DCC: variants seen among roughly 807,000 people sequenced by gnomAD.
DCC encodes the protein DCC netrin 1 receptor, also known as netrin receptor DCC.
A neutral mutation model predicts 172.5 loss-of-function variants in DCC; 58 were observed. That is an observed-to-expected ratio of 0.34 (90% CI 0.27 to 0.42). The LOEUF (loss-of-function observed/expected upper bound fraction) is 0.42, where lower values mean the gene tolerates loss of function less well. DCC is among the 10% of genes least tolerant of loss of function. The pLI, the probability that DCC is intolerant of heterozygous loss-of-function variation, is 1.00. For synonymous variants in DCC, 709 were observed against 644.5 expected, an observed-to-expected ratio of 1.10 and a Z score of -1.52; for missense variants, 1,740 against 1,791.0, an observed-to-expected ratio of 0.97 and a Z score of 0.51.
At chr18:53,422,652 CAG>C (rs1435619864) in intron 21 of DCC, among the ~76,000 whole-genome samples, 5 of 152,160 alleles carry the variant, frequency 3.3e-5, no homozygotes, top group Admixed American at 6.6e-5. Flanking sequence ...CATGAATAAA[CAG>C]AATGTTAATT....
chr18:53,247,913 A>G (rs1248446593), intron 12 of DCC, among the ~76,000 whole-genome samples: 2 of 152,016 alleles, frequency 1.3e-5, no homozygotes, highest in Non-Finnish European at 2.9e-5. Context: ...CCGTGTGGAC[A>G]TCCCATCCAA....
chr18:52,486,908 CAT>C (rs2030252213), intron 1 of DCC, among the ~76,000 whole-genome samples: 1 of 152,218 alleles, frequency 6.6e-6, no homozygotes, highest in Non-Finnish European at 1.5e-5. Flanking sequence ...ATCTCTCAAA[CAT>C]ATGAGACATA....
At chr18:53,257,454 C>A (rs2056534776) in intron 12 of DCC, among the ~76,000 whole-genome samples, 1 of 152,182 alleles carries the variant, frequency 6.6e-6, no homozygotes, top group Non-Finnish European at 1.5e-5. Flanking sequence ...GCCTTTTCTG[C>A]ATCTATTGAG....
rs539024562 is a variant in DCC, at chr18:53,187,361, A to G, written c.1573+8245A>G. On this transcript the variant is annotated intron_variant, in intron 9 of 28. Coordinates refer to ENST00000442544, the MANE Select transcript of DCC (RefSeq NM_005215.4). Reference sequence around the variant, plus strand: ...CTGGTCTTGAACTCCTGACCTCATTATCTGTCTGCCTCGGCCCCCCAAAGT... The same window carrying G: ...CTGGTCTTGAACTCCTGACCTCATTGTCTGTCTGCCTCGGCCCCCCAAAGT... Among the ~76,000 whole-genome samples, 258 of 152,098 alleles carry G rather than the reference A, an allele frequency of 1.7e-3. 1 individual carries two copies. Among genetic ancestry groups the G allele is most frequent in the African/African-American group, 6.1e-3 (253 of 41,484 alleles).
intron 15 of DCC, among the ~76,000 whole-genome samples, chr18:53,376,706 C>A (rs1599081488): frequency 2.0e-5 from 3 of 152,086 alleles, no homozygotes; most frequent in Non-Finnish European, 4.4e-5. Context: ...TGACCGGAGC[C>A]CAAGGCAGAC....
At chr18:52,857,568 A>G (rs1233796662) in intron 2 of DCC, among the ~76,000 whole-genome samples, 2 of 152,170 alleles carry the variant, frequency 1.3e-5, no homozygotes, top group Admixed American at 6.5e-5. Flanking sequence ...CCATGATGTT[A>G]TATAGGGTAA....
intron 8 of DCC, among the ~76,000 whole-genome samples, chr18:53,163,321 C>T (rs1277582693): frequency 2.0e-5 from 3 of 152,122 alleles, no homozygotes; most frequent in Non-Finnish European, 4.4e-5. Context: ...AAGCTGACTA[C>T]AGTTCAATAA....
At chr18:52,541,902 T>TAG in intron 1 of DCC, among the ~76,000 whole-genome samples, 1 of 145,244 alleles carries the variant, frequency 6.9e-6, no homozygotes, top group South Asian at 2.1e-4. Flanking sequence ...TATATGTGTA[T>TAG]ATATATATGT....
At chr18:52,888,909 C>CTA (rs1310704027) in intron 2 of DCC, among the ~76,000 whole-genome samples, 1 of 151,912 alleles carries the variant, frequency 6.6e-6, no homozygotes, top group Admixed American at 6.6e-5. Context: ...ACACAGATAT[C>CTA]TATATATACA....
chr18:52,710,347 G>T (rs2145053724), intron 1 of DCC, among the ~76,000 whole-genome samples: 1 of 152,216 alleles, frequency 6.6e-6, no homozygotes, highest in East Asian at 1.9e-4. Flanking sequence ...CTCCAGCTTG[G>T]GTGACAGAGT....
intron 7 of DCC, among the ~76,000 whole-genome samples, chr18:53,116,991 C>A (rs1265685898): frequency 6.6e-6 from 1 of 151,566 alleles, no homozygotes; most frequent in African/African-American, 2.4e-5. Flanking sequence ...TTTCAAATAA[C>A]CAAATTCACA....
At chr18:52,990,939 C>CT (rs34744059) in intron 5 of DCC, among the ~76,000 whole-genome samples, 110,098 of 152,032 alleles carry the variant, frequency 0.72, 40,002 homozygotes, top group East Asian at 0.75. Flanking sequence ...TATGAAAACT[C>CT]TTGATAAGTA....
intron 5 of DCC, among the ~76,000 whole-genome samples, chr18:53,062,018 TG>T (rs1425945628): frequency 6.6e-6 from 1 of 152,118 alleles, no homozygotes; most frequent in Non-Finnish European, 1.5e-5. Context: ...TGATATCTTT[TG>T]GTTTATTGTC....
At chr18:52,884,505 C>A (rs1459219312) in intron 2 of DCC, among the ~76,000 whole-genome samples, 1 of 152,072 alleles carries the variant, frequency 6.6e-6, no homozygotes, top group Non-Finnish European at 1.5e-5. Flanking sequence ...TTCAATATAT[C>A]AATTGCATTT....
At chr18:53,022,984 C>T (rs2143927687) in intron 5 of DCC, among the ~76,000 whole-genome samples, 1 of 152,206 alleles carries the variant, frequency 6.6e-6, no homozygotes, top group Non-Finnish European at 1.5e-5. Flanking sequence ...TAATACCACA[C>T]AAATAGGTTA....
At chr18:52,529,585 C>T (rs1406122657) in intron 1 of DCC, among the ~76,000 whole-genome samples, 1 of 152,178 alleles carries the variant, frequency 6.6e-6, no homozygotes, top group Non-Finnish European at 1.5e-5. Flanking sequence ...CCACCGGGCC[C>T]GTGAAGCAGC....
Position 52,573,229 on chromosome 18 carries a change from AT to A in DCC, c.92-178824del, listed in dbSNP as rs2033340704. 3.9e-5 allele frequency among the ~76,000 whole-genome samples: 6 copies of A among 152,260 alleles called. No individual in the cohort carries two copies. The South Asian group carries it at 1.2e-3, about 32-fold the overall frequency. ...ATCAATAATAAAAATACATATTTAA[AT>A]GTATATTTAAACATAAATTTAAAAA... On this transcript the variant is annotated intron_variant, in intron 1 of 28. Coordinates refer to ENST00000442544, the MANE Select transcript of DCC (RefSeq NM_005215.4).
At chr18:52,575,258 G>A (rs1210521889) in intron 1 of DCC, among the ~76,000 whole-genome samples, 1 of 152,014 alleles carries the variant, frequency 6.6e-6, no homozygotes, top group Non-Finnish European at 1.5e-5. Flanking sequence ...CTTCTTCATA[G>A]CTTTGGGCAT....
intron 1 of DCC, among the ~76,000 whole-genome samples, chr18:52,401,053 T>C (rs1368427093): frequency 2.6e-5 from 4 of 151,934 alleles, no homozygotes; most frequent in Non-Finnish European, 5.9e-5. Flanking sequence ...TGTATACATA[T>C]GTAACAAACC....
Sources: allele counts gnomAD v4.1 joint callset (sites outside exome capture counted in the v4.1 genomes callset), GRCh38; gene constraint gnomAD v4.1.1; transcripts MANE v1.5; gene names NCBI Gene and HGNC (gene_info 2026-07-23, HGNC 2026-07-21).